EEFSEC: variants seen among roughly 807,000 people sequenced by gnomAD.
EEFSEC encodes eukaryotic elongation factor, selenocysteine-tRNA specific, also known as selenocysteine-specific elongation factor.
EEFSEC carries 43 observed loss-of-function variants against 42.1 expected under a neutral mutation model. The observed-to-expected ratio is 1.02, with a 90% confidence interval of 0.80 to 1.32. The LOEUF (loss-of-function observed/expected upper bound fraction) is 1.32, where lower values mean the gene tolerates loss of function less well. EEFSEC is among the 40% of genes most tolerant of loss of function. The probability of loss-of-function intolerance (pLI) is 0.00; values close to 1 mark genes in which losing one functional copy is unlikely to be tolerated. For missense variants in EEFSEC, 745 were observed against 803.6 expected (o/e 0.93, Z 0.88); for synonymous variants, 354 against 339.1 (o/e 1.04, Z -0.48).
intron 4 of EEFSEC, among the ~76,000 whole-genome samples, chr3:128,324,972 T>C (rs1361649294): frequency 6.6e-6 from 1 of 152,220 alleles, no homozygotes; most frequent in Non-Finnish European, 1.5e-5. Context: ...GACTGTACCT[T>C]GACCTCTATT....
intron 2 of EEFSEC, among the ~76,000 whole-genome samples, chr3:128,260,973 A>AC (rs1400799441): frequency 6.0e-4 from 33 of 54,714 alleles, no homozygotes; most frequent in East Asian, 1.8e-3. Flanking sequence ...AGGCAAAAAA[A>AC]AAAAAAAAAC....
At chr3:128,375,990 A>G (rs1215959959) in intron 6 of EEFSEC, among the ~76,000 whole-genome samples, 1 of 152,216 alleles carries the variant, frequency 6.6e-6, no homozygotes, top group Non-Finnish European at 1.5e-5. Flanking sequence ...TGCCTGAAAA[A>G]GTTCAGAGGT....
chr3:128,326,273 G>A lies in EEFSEC; in HGVS notation c.787-14960G>A, dbSNP rs114225521. 3.2e-3 allele frequency among the ~76,000 whole-genome samples: 490 copies of A among 152,320 alleles called. 1 individual carries two copies. Among genetic ancestry groups the A allele is most frequent in the African/African-American group, 0.011 (455 of 41,568 alleles). ...GCCTGTGGTGCCCTCCTGCTCTCTG[G>A]CTGCTGGGCCAGGCACTGCGTGAAG... On this transcript the variant is annotated intron_variant, in intron 4 of 6. Coordinates refer to ENST00000254730, the MANE Select transcript of EEFSEC (RefSeq NM_021937.5).
At chr3:128,347,055 T>C (rs1486232816) in intron 5 of EEFSEC, among the ~76,000 whole-genome samples, 6 of 152,216 alleles carry the variant, frequency 3.9e-5, no homozygotes, top group Admixed American at 3.9e-4. Context: ...AAAATGCTAA[T>C]AATTATCTGC....
chr3:128,417,865 C>A, the EEFSEC span, among the ~76,000 whole-genome samples: 1 of 152,054 alleles, frequency 6.6e-6, no homozygotes, highest in African/African-American at 2.4e-5. This position sits in a 1 kb window ranked among gnomAD's most constrained non-coding sequence, Gnocchi z 4.3. Flanking sequence ...CATGCTGCAC[C>A]CCAGGTCCTG....
At chr3:128,206,866 G>C (rs2065702706) in intron 1 of EEFSEC, among the ~76,000 whole-genome samples, 1 of 152,136 alleles carries the variant, frequency 6.6e-6, no homozygotes, top group Non-Finnish European at 1.5e-5. Flanking sequence ...CCCGGAGACA[G>C]AATAAGCCCA....
intron 6 of EEFSEC, among the ~76,000 whole-genome samples, chr3:128,370,540 C>T (rs1011043578): frequency 2.6e-5 from 4 of 152,148 alleles, no homozygotes; most frequent in African/African-American, 9.7e-5. Context: ...GATATCCTAC[C>T]CCTCTCCCAT....
chr3:128,296,637 T>G (rs1033198223), intron 4 of EEFSEC, among the ~76,000 whole-genome samples: 2 of 116,778 alleles, frequency 1.7e-5, no homozygotes, highest in African/African-American at 6.3e-5. Flanking sequence ...GCTCGAAGGT[T>G]ACCTCCTCAC....
intron 5 of EEFSEC, among the ~76,000 whole-genome samples, chr3:128,347,737 C>T (rs565610128): frequency 3.9e-5 from 6 of 152,108 alleles, no homozygotes; most frequent in East Asian, 1.9e-4. Flanking sequence ...CATCATGTAA[C>T]GATAAAAGGC....
At chr3:128,299,292 G>A (rs557363280) in intron 4 of EEFSEC, among the ~76,000 whole-genome samples, 1 of 152,138 alleles carries the variant, frequency 6.6e-6, no homozygotes. Flanking sequence ...ACTCATTGTC[G>A]TTTGGATTTG....
chr3:128,229,206 G>T (rs927634974), intron 1 of EEFSEC, among the ~76,000 whole-genome samples: 4 of 152,190 alleles, frequency 2.6e-5, no homozygotes, highest in African/African-American at 9.7e-5. Flanking sequence ...GTATACTGTG[G>T]CTATGATACT....
intron 4 of EEFSEC, among the ~76,000 whole-genome samples, chr3:128,333,450 G>T (rs566389365): frequency 6.6e-6 from 1 of 152,326 alleles, no homozygotes; most frequent in East Asian, 1.9e-4. Flanking sequence ...TTTTTCTGGT[G>T]TGATGTAGTA....
intron 4 of EEFSEC, among the ~76,000 whole-genome samples, chr3:128,335,434 G>A (rs975069850): frequency 2.0e-5 from 3 of 152,226 alleles, no homozygotes; most frequent in African/African-American, 7.2e-5. Flanking sequence ...GTGAGGAAGA[G>A]AGGAACTGCA....
chr3:128,421,147 A>T, the EEFSEC span, among the ~76,000 whole-genome samples: 1 of 151,924 alleles, frequency 6.6e-6, no homozygotes, highest in Admixed American at 6.6e-5. Context: ...AAGGTGTGCC[A>T]AAGGCCCCTC....
intron 1 of EEFSEC, among the ~76,000 whole-genome samples, chr3:128,204,587 C>T (rs551590650): frequency 5.7e-4 from 86 of 152,206 alleles, no homozygotes; most frequent in African/African-American, 2.0e-3. Flanking sequence ...TAGGGTTGCT[C>T]TTAAGAATCA....
chr3:128,167,258 A>G (rs571314920), intron 1 of EEFSEC, among the ~76,000 whole-genome samples: 1 of 152,266 alleles, frequency 6.6e-6, no homozygotes, highest in Admixed American at 6.5e-5. Flanking sequence ...TTTTCTGTTT[A>G]CTGGATTATG....
chr3:128,372,740 G>A (rs1451403130), intron 6 of EEFSEC, among the ~76,000 whole-genome samples: 1 of 152,180 alleles, frequency 6.6e-6, no homozygotes, highest in Non-Finnish European at 1.5e-5. Context: ...CTATTAGTAG[G>A]TCGTCACTCA....
At chr3:128,218,132 A>G (rs1305174882) in intron 1 of EEFSEC, among the ~76,000 whole-genome samples, 2 of 152,216 alleles carry the variant, frequency 1.3e-5, no homozygotes, top group African/African-American at 4.8e-5. Context: ...GTGAGAGTAC[A>G]CAGAGGTGCT....
At chr3:128,346,341 G>A (rs140475458) in intron 5 of EEFSEC, among the ~76,000 whole-genome samples, 27 of 152,300 alleles carry the variant, frequency 1.8e-4, no homozygotes, top group African/African-American at 6.5e-4. Flanking sequence ...TAACAAATGA[G>A]CCACCCGGAA....
Sources: gnomAD v4.1 joint callset for allele counts (sites outside exome capture counted in the v4.1 genomes callset) on GRCh38, gnomAD v4.1.1 for gene constraint, Gnocchi (gnomAD v3.1) non-coding constraint, MANE v1.5 for transcripts, NCBI Gene and HGNC (gene_info 2026-07-23, HGNC 2026-07-21) for gene names.